Variants in VPS13A observed in about 807,000 individuals in gnomAD.
The protein encoded by VPS13A is vacuolar protein sorting 13 homolog A.
In VPS13A, 264 loss-of-function variants were observed where a neutral mutation model predicts 390.9. The ratio of observed to expected loss-of-function variants is 0.68; its 90% confidence interval spans 0.61 to 0.75. The LOEUF (loss-of-function observed/expected upper bound fraction) is 0.75, where lower values mean the gene tolerates loss of function less well. Ranked by LOEUF, VPS13A falls within the 30% of genes least tolerant of loss-of-function variation. The pLI is 0.00. For synonymous variants in VPS13A, 1,231 were observed against 1,227.1 expected (o/e 1.00, Z -0.07); for missense variants, 3,409 against 3,733.9 (o/e 0.91, Z 2.27).
Position 77,339,916 on chromosome 9 carries a change from G to A in VPS13A, c.6774+5G>A, listed in dbSNP as rs1830724631. On this transcript the variant is annotated splice_donor_5th_base_variant and intron_variant, in intron 48 of 71. Coordinates refer to ENST00000360280, the MANE Select transcript of VPS13A (RefSeq NM_033305.3). ...CACTTTTTTAATAACAATAAGGTAT[G>A]CGATGTTTATTCTGTTTTTCCCTTG... 1 of 1,608,102 alleles carries A rather than the reference G, an allele frequency of 6.2e-7. No homozygotes were observed. The highest frequency in any genetic ancestry group is 8.5e-7 in the Non-Finnish European group (1 of 1,179,744).
At position 77,291,310 on chromosome 9, in the gene VPS13A, C is replaced by T. The variant is rs561854127; in HGVS notation, c.3340-2031C>T. On this transcript the variant is annotated intron_variant, in intron 31 of 71. Transcript: ENST00000360280. ...AGCCATCTCCCCACCCTCCAACCCC[C>T]CAGCCCCACTTTTGTGGAAAAATTG... Among the ~76,000 whole-genome samples the T allele has an allele frequency of 5.9e-5, 9 of 152,282 alleles. No homozygotes were observed. The South Asian group carries it at 1.9e-3, about 32-fold the overall frequency.
At chr9:77,250,278 A>AT (rs776418271) in intron 21 of VPS13A, 49 bp downstream of exon 21, 2 of 1,603,932 alleles carry the variant, frequency 1.2e-6, no homozygotes, top group Non-Finnish European at 1.7e-6. Context: ...GAAGTGATTA[A>AT]TTAGGTTTTT....
At chr9:77,303,659 T>C (rs1828518469) in intron 34 of VPS13A, among the ~76,000 whole-genome samples, 1 of 152,078 alleles carries the variant, frequency 6.6e-6, no homozygotes, top group South Asian at 2.1e-4. Flanking sequence ...AGCAGGGTGG[T>C]AATAAGGAGA....
rs1450505752 is a variant in VPS13A at position 77,199,986 on chromosome 9, C to T, written c.142C>T (p.Leu48=). The part of the protein sequence containing the change: ...LKNLQIKENA[L]SQLDVPFKVK... The stretch of plus-strand genomic sequence containing the variant: ...GAATCTTCAAATTAAAGAAAATGCC[C>T]TGGTAGGTTTTGACTATGAAAAATT... The change falls in exon 2 of 72, where the codon CTG becomes TTG. Residue 48 remains leucine (L), a splice_region_variant and synonymous_variant. Coordinates refer to ENST00000360280, the MANE Select transcript of VPS13A (RefSeq NM_033305.3). The T allele has an allele frequency of 1.2e-6, 2 of 1,607,052 alleles. No individual in the cohort carries two copies. The highest frequency in any genetic ancestry group is 2.2e-5 in the East Asian group (1 of 44,644).
intron 10 of VPS13A, among the ~76,000 whole-genome samples, chr9:77,215,451 ATG>A (rs1822806946): frequency 6.6e-6 from 1 of 152,210 alleles, no homozygotes; most frequent in South Asian, 2.1e-4. Context: ...TATCTGTCAT[ATG>A]TGTTTATGAT....
Position 77,283,651 on chromosome 9 carries a change from G to T in VPS13A, c.3339+1G>T. On this transcript the variant is annotated splice_donor_variant, in intron 31 of 71. Coordinates refer to ENST00000360280, the MANE Select transcript of VPS13A (RefSeq NM_033305.3). LOFTEE classifies it high-confidence loss of function. ...TGATATAACAGCTATATACAAAAAGGTAAGAATTCTTTTAATTAAATAATA... is the reference window on the plus strand; with the variant it reads ...TGATATAACAGCTATATACAAAAAGTTAAGAATTCTTTTAATTAAATAATA... 6.3e-7 allele frequency: 1 copy of T among 1,590,390 alleles called. No individual in the cohort carries two copies. The highest frequency in any genetic ancestry group is 8.6e-7 in the Non-Finnish European group (1 of 1,161,562).
chr9:77,213,394 C>A, intron 9 of VPS13A, 80 bp downstream of exon 9: 1 of 1,176,964 alleles, frequency 8.5e-7, no homozygotes, highest in South Asian at 1.3e-5. Context: ...ATCTAATATA[C>A]TGTAGTCAGT....
In VPS13A at chr9:77,328,421, C is replaced by T. The variant is rs191317774; in HGVS notation, c.5992-3589C>T. Reference sequence around the variant, plus strand: ...AAGAACATTGGCTAACTTCAGGTCACTAGCTTCATTATCCCTTTAAGAAGA... The same window carrying T: ...AAGAACATTGGCTAACTTCAGGTCATTAGCTTCATTATCCCTTTAAGAAGA... On this transcript the variant is annotated intron_variant, in intron 45 of 71. Transcript: ENST00000360280. Among the ~76,000 whole-genome samples the T allele has an allele frequency of 1.9e-3, 290 of 152,342 alleles. 1 individual carries two copies. The highest frequency in any genetic ancestry group is 4.1e-3 in the Admixed American group (62 of 15,308).
intron 59 of VPS13A, among the ~76,000 whole-genome samples, chr9:77,364,631 A>T (rs2131576052): frequency 6.6e-6 from 1 of 152,288 alleles, no homozygotes; most frequent in African/African-American, 2.4e-5. Flanking sequence ...CTAGAGTAGA[A>T]TTCTGGCTCA....
intron 34 of VPS13A, among the ~76,000 whole-genome samples, chr9:77,303,563 A>G (rs1314602896): frequency 2.0e-5 from 3 of 152,128 alleles, no homozygotes; most frequent in Non-Finnish European, 4.4e-5. Flanking sequence ...CACACCAAGG[A>G]CCTGCACTGG....
intron 26 of VPS13A, among the ~76,000 whole-genome samples, chr9:77,278,510 GA>G (rs1826828442): frequency 6.6e-6 from 1 of 152,142 alleles, no homozygotes; most frequent in South Asian, 2.1e-4. Flanking sequence ...TGTTTTCTCA[GA>G]GGGAGTGAAT....
At chr9:77,361,848 G>A (rs1832158962) in intron 59 of VPS13A, among the ~76,000 whole-genome samples, 1 of 152,052 alleles carries the variant, frequency 6.6e-6, no homozygotes, top group African/African-American at 2.4e-5. Flanking sequence ...CATAATGGGT[G>A]AATGTGAAAT....
intron 26 of VPS13A, among the ~76,000 whole-genome samples, chr9:77,278,139 C>T (rs920890994): frequency 2.6e-5 from 4 of 151,710 alleles, no homozygotes; most frequent in Non-Finnish European, 5.9e-5. Context: ...GGCATGATCT[C>T]GGCTCACTGC....
Position 77,228,204 on chromosome 9 carries a change from A to G in VPS13A, c.1535A>G (p.Asp512Gly), listed in dbSNP as rs1261675725. The G allele has an allele frequency of 1.9e-6, 3 of 1,603,992 alleles. No individual in the cohort carries two copies. The highest frequency in any genetic ancestry group is 2.6e-6 in the Non-Finnish European group (3 of 1,174,892). Residue 512 changes from aspartate to glycine, a missense_variant, in exon 17 of 72, where the codon GAT becomes GGT. Physicochemically the swap from Asp to Gly is moderately conservative, Grantham distance 94 (BLOSUM62 -1). Around this residue, in one of 5 missense-constraint regions of VPS13A, gnomAD observed 2,717 missense variants for 2,917.4 expected, o/e 0.93. Coordinates refer to ENST00000360280, the MANE Select transcript of VPS13A (RefSeq NM_033305.3). ...RENHQKPELV[D>G]IVIEEFSTLI... is the part of the protein sequence containing the mutation. ...AATCATCAAAAACCTGAGCTGGTAG[A>G]TATTGTAATAGAAGAATTTAGCACC...
intron 17 of VPS13A, among the ~76,000 whole-genome samples, chr9:77,230,686 T>C (rs1025729565): frequency 7.9e-5 from 12 of 152,134 alleles, no homozygotes; most frequent in Non-Finnish European, 1.6e-4. Flanking sequence ...TGTTTTTTTG[T>C]TTTAGCTGTC....
At chr9:77,179,176 C>A (rs1016882757) in intron 1 of VPS13A, among the ~76,000 whole-genome samples, 3 of 152,170 alleles carry the variant, frequency 2.0e-5, no homozygotes, top group African/African-American at 4.8e-5. Flanking sequence ...AGTCTTGCTT[C>A]CACATTCAGG....
chr9:77,366,692 A>G, intron 60 of VPS13A, 35 bp from the exon 61 acceptor site: 2 of 1,553,714 alleles, frequency 1.3e-6, no homozygotes, highest in Non-Finnish European at 1.8e-6. Context: ...ATATGAAGAA[A>G]ATACTTTTAA....
intron 71 of VPS13A, among the ~76,000 whole-genome samples, chr9:77,411,088 C>CT (rs1162166379): frequency 6.6e-6 from 1 of 152,216 alleles, no homozygotes; most frequent in East Asian, 1.9e-4. Context: ...AACAAACTCT[C>CT]TCTCAGACCA....
chr9:77,380,700 C>A (rs530777886), intron 67 of VPS13A, among the ~76,000 whole-genome samples: 1 of 152,310 alleles, frequency 6.6e-6, no homozygotes, highest in East Asian at 1.9e-4. Context: ...TTTTAGGCAT[C>A]AAGGTCTGGT....
Sources: allele counts gnomAD v4.1 joint callset (sites outside exome capture counted in the v4.1 genomes callset), GRCh38; gene constraint gnomAD v4.1.1; regional missense constraint gnomAD v4.1.1; transcripts MANE v1.5; gene names NCBI Gene and HGNC (gene_info 2026-07-23, HGNC 2026-07-21).